Variants in CFAP251 observed in about 807,000 individuals in gnomAD.
The protein encoded by CFAP251 is cilia- and flagella-associated protein 251.
A neutral mutation model predicts 126.7 loss-of-function variants in CFAP251; 93 were observed. The ratio of observed to expected loss-of-function variants is 0.73; its 90% CI spans 0.62 to 0.87. CFAP251 has a LOEUF of 0.87. Ranked by LOEUF, CFAP251 falls within the 40% of genes least tolerant of loss-of-function variation. The pLI is 0.00. For synonymous variants in CFAP251, 503 were observed against 506.9 expected (o/e 0.99, Z 0.10); for missense variants, 1,287 against 1,389.2 (o/e 0.93, Z 1.17).
In CFAP251 at chr12:121,942,960, A is replaced by C. The variant is rs748697571; in HGVS notation, c.1176A>C (p.Thr392=). ...ETPACTLELP[T]EYGVQNYVTF... ...CAGCATGCACTCTCGAACTCCCCACAGAGTACGGTGTTCAGGTGAGTTCAG... is the reference window on the plus strand; with the variant it reads ...CAGCATGCACTCTCGAACTCCCCACCGAGTACGGTGTTCAGGTGAGTTCAG... The change falls in exon 7 of 22, where the codon ACA becomes ACC. Residue 392 remains threonine, a synonymous_variant. Coordinates refer to ENST00000288912, the MANE Select transcript of CFAP251 (RefSeq NM_144668.6). 6.2e-7 allele frequency: 1 copy of C among 1,614,196 alleles called. No individual in the cohort carries two copies. Among genetic ancestry groups the C allele is most frequent in the Non-Finnish European group, 8.5e-7 (1 of 1,180,026 alleles).
intron 19 of CFAP251, among the ~76,000 whole-genome samples, chr12:121,982,354 A>C (rs1593001940): frequency 6.6e-6 from 1 of 150,808 alleles, no homozygotes; most frequent in Middle Eastern, 3.4e-3. Context: ...TTATAGGCGC[A>C]CATCACCACA....
chr12:121,923,655 T>G lies in CFAP251; in HGVS notation c.412T>G (p.Leu138Val). 1.2e-6 allele frequency: 2 copies of G among 1,611,412 alleles called. No homozygotes were observed. The highest frequency in any genetic ancestry group is 1.7e-6 in the Non-Finnish European group (2 of 1,179,332). ...TQRGSKSKLS[L>V]QLEDAETDEL... ...AAGAGGTAGCAAGTCAAAGCTTTCC[T>G]TACAATTGGAGGATGCAGAAACAGA... The change falls in exon 3 of 22, where the codon TTA becomes GTA. Residue 138 changes from leucine (L) to valine (V), a missense_variant. Coordinates refer to ENST00000288912, the MANE Select transcript of CFAP251 (RefSeq NM_144668.6).
At chr12:121,960,452 A>G (rs2135784359) in intron 13 of CFAP251, 133 bp from the exon 14 acceptor site, 4 of 877,952 alleles carry the variant, frequency 4.6e-6, no homozygotes, top group Non-Finnish European at 7.1e-6. Flanking sequence ...TCCCGACCTC[A>G]GGTGATCCAC....
intron 19 of CFAP251, among the ~76,000 whole-genome samples, chr12:121,977,034 T>A (rs1748018901): frequency 6.6e-6 from 1 of 152,236 alleles, no homozygotes; most frequent in Non-Finnish European, 1.5e-5. Context: ...GTTGGGGAGA[T>A]GTTCTGAGAA....
chr12:121,921,805 T>TTTG (rs1266949603), intron 2 of CFAP251, 122 bp downstream of exon 2: 18 of 1,187,318 alleles, frequency 1.5e-5, no homozygotes, highest in Non-Finnish European at 1.7e-5. Context: ...TTTTTTTTTT[T>TTTG]TTGAGACAGA....
At chr12:121,971,747 A>G (rs1882333999) in intron 17 of CFAP251, 8 of 633,238 alleles carry the variant, frequency 1.3e-5, no homozygotes, top group African/African-American at 3.6e-5. Flanking sequence ...TTTTGTCTCC[A>G]ATCTTTGTGA....
chr12:121,970,843 G>A (rs1592995346), intron 17 of CFAP251, among the ~76,000 whole-genome samples: 1 of 152,346 alleles, frequency 6.6e-6, no homozygotes, highest in East Asian at 1.9e-4. Flanking sequence ...TACTCAGCAG[G>A]AAGATGGCTG....
intron 17 of CFAP251, among the ~76,000 whole-genome samples, chr12:121,972,407 G>A (rs1430780938): frequency 6.6e-6 from 1 of 152,210 alleles, no homozygotes; most frequent in African/African-American, 2.4e-5. Context: ...TTAGCAAAGA[G>A]ACTGGTGGCA....
intron 14 of CFAP251, among the ~76,000 whole-genome samples, 167 bp downstream of exon 14, chr12:121,960,925 A>G (rs1369262912): frequency 6.6e-6 from 1 of 152,222 alleles, no homozygotes; most frequent in Non-Finnish European, 1.5e-5. Flanking sequence ...TTGCCTTAAC[A>G]TGGCTGGGAC....
At chr12:121,928,641 TATATATATATATATACGTATATATATAC>T (rs1880524295) in intron 3 of CFAP251, among the ~76,000 whole-genome samples, 1 of 15,784 alleles carries the variant, frequency 6.3e-5, no homozygotes, top group African/African-American at 1.8e-4. Context: ...TATATACGTA[TATATATATATATATACGTATATATATAC>T]GTATATATAT....
At chr12:121,934,113 G>A (rs554193410) in intron 4 of CFAP251, 134 bp from the exon 5 acceptor site, 12 of 630,808 alleles carry the variant, frequency 1.9e-5, no homozygotes, top group Admixed American at 6.2e-5. Flanking sequence ...GAAGGCCAGC[G>A]GGAACAGAAT....
chr12:121,992,284 G>A (rs75050606), intron 19 of CFAP251: 5 of 985,284 alleles, frequency 5.1e-6, no homozygotes, highest in African/African-American at 1.7e-5. Context: ...CCTTTTCAAC[G>A]AACACTTGCG....
intron 21 of CFAP251, 184 bp downstream of exon 21, chr12:122,001,782 C>T (rs919255240): frequency 6.5e-6 from 4 of 615,370 alleles, no homozygotes; most frequent in East Asian, 5.6e-5. Flanking sequence ...GGCTTTTGTT[C>T]CCGCGCTCTG....
Position 121,930,488 on chromosome 12 carries a change from C to T in CFAP251, c.748-1258C>T, listed in dbSNP as rs555526248. 2.8e-4 allele frequency among the ~76,000 whole-genome samples: 43 copies of T among 151,136 alleles called. No individual in the cohort carries two copies. The South Asian group carries it at 8.4e-3, about 29-fold the overall frequency. On this transcript the variant is annotated intron_variant, in intron 3 of 21. Coordinates refer to ENST00000288912, the MANE Select transcript of CFAP251 (RefSeq NM_144668.6). ...GCAACAGAGTGAGACTCTGTTCCCTCCTCCAAAAAAAACAAAAAAAACCCC... is the reference window on the plus strand; with the variant it reads ...GCAACAGAGTGAGACTCTGTTCCCTTCTCCAAAAAAAACAAAAAAAACCCC...
chr12:121,938,056 G>A (rs1243370001), intron 5 of CFAP251, among the ~76,000 whole-genome samples: 1 of 152,182 alleles, frequency 6.6e-6, no homozygotes, highest in African/African-American at 2.4e-5. Context: ...CCAGGCGGGA[G>A]TGCAGTGGTG....
At chr12:121,924,018 C>G in intron 3 of CFAP251, 28 bp downstream of exon 3, 1 of 1,446,240 alleles carries the variant, frequency 6.9e-7, no homozygotes, top group Non-Finnish European at 9.0e-7. Flanking sequence ...AAATCTCCCC[C>G]AGTGCTTTTG....
intron 19 of CFAP251, among the ~76,000 whole-genome samples, chr12:121,982,923 G>A (rs1312713900): frequency 1.3e-5 from 2 of 151,732 alleles, no homozygotes; most frequent in African/African-American, 2.4e-5. Flanking sequence ...GCAACATAGC[G>A]AGACCCCGAT....
Position 121,951,844 on chromosome 12 carries a change from G to A in CFAP251, c.1320+314G>A, listed in dbSNP as rs367707261. ...CGCCATTCTTCTGCCTCAGCCTCCC[G>A]AGTAGCTGGGACTACAGGCGCCTGC... On this transcript the variant is annotated intron_variant, in intron 9 of 21. Coordinates refer to ENST00000288912, the MANE Select transcript of CFAP251 (RefSeq NM_144668.6). Among the ~76,000 whole-genome samples, 10 of 151,778 alleles carry A rather than the reference G, an allele frequency of 6.6e-5. No individual in the cohort carries two copies. The East Asian group carries it at 1.4e-3, about 21-fold the overall frequency.
chr12:121,965,900 G>A (rs1471977317), intron 15 of CFAP251, among the ~76,000 whole-genome samples: 1 of 147,436 alleles, frequency 6.8e-6, no homozygotes, highest in Non-Finnish European at 1.5e-5. Context: ...GCTCACTGCA[G>A]CCTCGACCTC....
Sources: allele counts gnomAD v4.1 joint callset (sites outside exome capture counted in the v4.1 genomes callset), GRCh38; gene constraint gnomAD v4.1.1; transcripts MANE v1.5; gene names NCBI Gene and HGNC (gene_info 2026-07-23, HGNC 2026-07-21).